CALHM4: variants seen among roughly 807,000 people sequenced by gnomAD.
The protein encoded by CALHM4 is calcium homeostasis modulator family member 4, also known as calcium homeostasis modulator protein 4.
In CALHM4, 16 loss-of-function variants were observed where a neutral mutation model predicts 13.3. The observed-to-expected ratio is 1.20, with a 90% confidence interval of 0.81 to 1.82. The LOEUF (loss-of-function observed/expected upper bound fraction) is 1.82. Among genes scored for constraint, CALHM4 ranks in the 40% most tolerant of loss-of-function variants. CALHM4 has a pLI of 0.00. For synonymous variants in CALHM4, 127 were observed against 137.1 expected (o/e 0.93, Z 0.52); for missense variants, 344 against 374.9 (o/e 0.92, Z 0.68).
chr6:116,540,822 G>C (rs2115237644), intron 1 of CALHM4, among the ~76,000 whole-genome samples: 1 of 152,262 alleles, frequency 6.6e-6, no homozygotes, highest in African/African-American at 2.4e-5. Flanking sequence ...GAAATCAAAT[G>C]AGATCCTAGC....
At position 116,560,520 on chromosome 6, in the gene CALHM4, G is replaced by A. The variant is rs150185523; in HGVS notation, c.*2309G>A. ...GGCAAAGGATTCTAAGTATTCGTTG[G>A]CTCTTCTACATGGCTTCAGAATGAT... On this transcript the variant is annotated 3_prime_UTR_variant, in exon 2 of 2. Coordinates refer to ENST00000368596, the MANE Select transcript of CALHM4 (RefSeq NM_001366078.2). 7.6e-3 allele frequency among the ~76,000 whole-genome samples: 1,161 copies of A among 152,056 alleles called. 13 individuals carry two copies. Among genetic ancestry groups the A allele is most frequent in the South Asian group, 0.019 (92 of 4,818 alleles).
intron 1 of CALHM4, among the ~76,000 whole-genome samples, chr6:116,554,704 T>C (rs953929676): frequency 3.9e-5 from 6 of 152,216 alleles, no homozygotes; most frequent in Non-Finnish European, 1.5e-5. Flanking sequence ...CAATAGATTT[T>C]AGATGTTATG....
chr6:116,549,012 T>C (rs965036082), upstream of CALHM4, among the ~76,000 whole-genome samples: 1 of 152,204 alleles, frequency 6.6e-6, no homozygotes, highest in African/African-American at 2.4e-5. Context: ...AGGCCAGGCA[T>C]GGTGGTTCAC....
chr6:116,545,639 C>A, intron 2 of CALHM4: 1 of 766,630 alleles, frequency 1.3e-6, no homozygotes, highest in Non-Finnish European at 2.1e-6. Context: ...GACAGGAGTG[C>A]TGCTTCTGCA....
intron 1 of CALHM4, among the ~76,000 whole-genome samples, chr6:116,555,681 C>G (rs973045535): frequency 1.3e-5 from 2 of 152,174 alleles, no homozygotes; most frequent in African/African-American, 4.8e-5. Flanking sequence ...ATCCCAAGAT[C>G]ATGCTATTTC....
At position 116,540,473 on chromosome 6, in the gene CALHM4, C is replaced by T. The variant is rs117339277; in HGVS notation, c.-108-3292C>T. On this transcript the variant is annotated intron_variant, in intron 1 of 2. Transcript: ENST00000368597. ...CCAATGCCGTAACCCCTGTGGATGA[C>T]GGAAAGAGTGTGGTCTGAAAATTCT... The T allele has an allele frequency of 4.8e-3, 7,417 of 1,549,690 alleles. 18 individuals are homozygous for T. The highest frequency in any genetic ancestry group is 5.5e-3 in the Non-Finnish European group (6,285 of 1,146,096).
chr6:116,536,221 A>G lies in CALHM4; in HGVS notation c.-109+7031A>G, dbSNP rs112710569. Among the ~76,000 whole-genome samples the G allele has an allele frequency of 3.0e-3, 450 of 152,344 alleles. 4 individuals carry two copies. The highest frequency in any genetic ancestry group is 0.01 in the African/African-American group (433 of 41,572). On this transcript the variant is annotated intron_variant, in intron 1 of 2. Coordinates refer to the CALHM4 transcript ENST00000368597. ...TTTAATGTTGTAGGAATGAGACTTTATAATTAACTTGGCATCTTTTTTTTA... is the reference window on the plus strand; with the variant it reads ...TTTAATGTTGTAGGAATGAGACTTTGTAATTAACTTGGCATCTTTTTTTTA...
At chr6:116,550,001 TATATATATATATATATATATATATACAC>T (rs1562361004), upstream of CALHM4, among the ~76,000 whole-genome samples, 2 of 129,518 alleles carry the variant, frequency 1.5e-5, no homozygotes, top group African/African-American at 6.9e-5. Flanking sequence ...TATATATATA[TATATATATATATATATATATATATACAC>T]ACACACACAC....
In CALHM4 at chr6:116,554,012, A is replaced by G. The variant is rs1420592976; in HGVS notation, c.219A>G (p.Gln73=). The stretch of plus-strand genomic sequence containing the variant: ...TTGCTGGCTTTGCTCTGAGAAGCCA[A>G]ATGTGGACAATTACCGGTGAATACT... ...LLVAGFALRS[Q]MWTITGEYCC... The change falls in exon 1 of 2, where the codon CAA becomes CAG. Residue 73 remains glutamine, a synonymous_variant. Transcript: ENST00000368596. 2 of 1,550,480 alleles carry G rather than the reference A, an allele frequency of 1.3e-6. No individual in the cohort carries two copies. Among genetic ancestry groups the G allele is most frequent in the Non-Finnish European group, 1.7e-6 (2 of 1,147,014 alleles).
chr6:116,530,374 C>T (rs1772623588), intron 1 of CALHM4, among the ~76,000 whole-genome samples: 1 of 152,006 alleles, frequency 6.6e-6, no homozygotes, highest in Admixed American at 6.6e-5. Flanking sequence ...AAAGAAAACA[C>T]ACAGAATGTC....
intron 1 of CALHM4, among the ~76,000 whole-genome samples, chr6:116,530,924 T>TAC (rs1378638539): frequency 4.2e-5 from 6 of 142,608 alleles, no homozygotes; most frequent in Admixed American, 2.1e-4. Flanking sequence ...TATATATATA[T>TAC]ATATATATAT....
chr6:116,545,986 G>T (rs1308577178), intron 2 of CALHM4, among the ~76,000 whole-genome samples: 1 of 152,190 alleles, frequency 6.6e-6, no homozygotes, highest in Non-Finnish European at 1.5e-5. Flanking sequence ...AGAGAGACAA[G>T]ATCAGCAATC....
upstream of CALHM4, among the ~76,000 whole-genome samples, chr6:116,549,327 C>A (rs1007449775): frequency 6.6e-6 from 1 of 152,002 alleles, no homozygotes; most frequent in Admixed American, 6.6e-5. Context: ...AAAGTATAAG[C>A]CTAAGGAAAG....
rs566319304 is a variant in CALHM4 at position 116,560,013 on chromosome 6, C to A, written c.*1802C>A. Among the ~76,000 whole-genome samples the A allele has an allele frequency of 2.0e-5, 3 of 152,254 alleles. No individual in the cohort carries two copies. The East Asian group carries it at 5.8e-4, about 29-fold the overall frequency. On this transcript the variant is annotated 3_prime_UTR_variant, in exon 2 of 2. Coordinates refer to ENST00000368596, the MANE Select transcript of CALHM4 (RefSeq NM_001366078.2). ...TACACTCAGTACTGATATGACATTA[C>A]ATGAAGGATGTTAAAAATACAAATA...
At chr6:116,552,855 A>C (rs1227166308), upstream of CALHM4, among the ~76,000 whole-genome samples, 1 of 152,174 alleles carries the variant, frequency 6.6e-6, no homozygotes, top group Non-Finnish European at 1.5e-5. Context: ...CGGGCGGATC[A>C]CAAGGTCAGG....
chr6:116,556,939 C>CT (rs35964763), intron 1 of CALHM4, among the ~76,000 whole-genome samples: 58,450 of 119,464 alleles, frequency 0.49, 15,786 homozygotes, highest in Middle Eastern at 0.76. Flanking sequence ...TATTTTTAAT[C>CT]TTTTTTTTTT....
intron 1 of CALHM4, among the ~76,000 whole-genome samples, chr6:116,529,677 G>A (rs937805219): frequency 2.0e-5 from 3 of 152,198 alleles, no homozygotes; most frequent in Admixed American, 2.0e-4. Context: ...GCAATGATGT[G>A]CCTTCCACCC....
intron 2 of CALHM4, among the ~76,000 whole-genome samples, chr6:116,544,825 AT>A (rs1327910951): frequency 6.6e-6 from 1 of 152,124 alleles, no homozygotes; most frequent in Non-Finnish European, 1.5e-5. Context: ...TCAAATGCCC[AT>A]CAGTCTCCTG....
intron 2 of CALHM4, among the ~76,000 whole-genome samples, chr6:116,548,572 C>T (rs1773911277): frequency 6.6e-6 from 1 of 152,170 alleles, no homozygotes; most frequent in African/African-American, 2.4e-5. Context: ...ATGCTCCATC[C>T]TTTACTACAT....
Sources: gnomAD v4.1 joint callset for allele counts (sites outside exome capture counted in the v4.1 genomes callset) on GRCh38, gnomAD v4.1.1 for gene constraint, MANE v1.5 for transcripts, NCBI Gene and HGNC (gene_info 2026-07-23, HGNC 2026-07-21) for gene names.